The following PRKCA variants were observed in gnomAD, a reference collection of about 807,000 sequenced individuals.
PRKCA encodes the protein protein kinase C alpha.
PRKCA carries 27 observed loss-of-function variants against 87.0 expected under a neutral mutation model. That is an observed-to-expected ratio of 0.31 (90% CI 0.23 to 0.43). The LOEUF is 0.43. Among genes scored for constraint, PRKCA ranks in the 20% least tolerant of loss-of-function variants. The pLI is 1.00. For synonymous variants in PRKCA, 329 were observed against 311.1 expected, an observed-to-expected ratio of 1.06 and a Z score of -0.61; for missense variants, 518 against 852.3, an observed-to-expected ratio of 0.61 and a Z score of 4.88.
chr17:66,777,596 G>A, intron 14 of PRKCA: 1 of 985,090 alleles, frequency 1.0e-6, no homozygotes, highest in Non-Finnish European at 1.2e-6. Context: ...GTAAAATTCG[G>A]CTCTGAATTA....
rs1392314476 is a variant in PRKCA, at chr17:66,738,841, G to A, written c.1308G>A (p.Lys436=). 1 of 1,612,558 alleles carries A rather than the reference G, an allele frequency of 6.2e-7. No individual in the cohort carries two copies. ...ACATTCAGCAAGTAGGAAAATTTAA[G>A]GAACCACAAGCAGTGTGAGTATTAT... ...MYHIQQVGKF[K]EPQAVFYAAE... The change falls in exon 11 of 17, where the codon AAG becomes AAA. Residue 436 remains lysine (K), a synonymous_variant. Coordinates refer to ENST00000413366, the MANE Select transcript of PRKCA (RefSeq NM_002737.3).
intron 3 of PRKCA, among the ~76,000 whole-genome samples, chr17:66,579,902 CCTT>C (rs910494888): frequency 4.6e-5 from 7 of 152,106 alleles, no homozygotes; most frequent in African/African-American, 7.2e-5. Flanking sequence ...GGACTTCCCT[CCTT>C]CTTTCACTTG....
chr17:66,417,596 C>T (rs1912230679), intron 2 of PRKCA, among the ~76,000 whole-genome samples: 1 of 152,132 alleles, frequency 6.6e-6, no homozygotes, highest in Non-Finnish European at 1.5e-5. Context: ...AGAGCTCCTG[C>T]TGTCTCTTTT....
chr17:66,696,343 A>G (rs1972921832), intron 8 of PRKCA: 1 of 152,210 alleles, frequency 6.6e-6, no homozygotes, highest in South Asian at 2.1e-4. Flanking sequence ...CCATAGTTTC[A>G]TATCCCTGCT....
intron 2 of PRKCA, among the ~76,000 whole-genome samples, chr17:66,379,418 A>G (rs1052200188): frequency 1.3e-5 from 2 of 152,132 alleles, no homozygotes; most frequent in African/African-American, 4.8e-5. Flanking sequence ...ATGTTTCTTC[A>G]TATTCTTTGC....
intron 2 of PRKCA, among the ~76,000 whole-genome samples, chr17:66,437,849 G>A (rs1463181896): frequency 1.3e-5 from 2 of 151,306 alleles, no homozygotes; most frequent in African/African-American, 4.9e-5. Context: ...CTCTGTTTCT[G>A]CTTAGTTTTC....
At chr17:66,639,535 A>G (rs1451478663) in intron 3 of PRKCA, among the ~76,000 whole-genome samples, 1 of 151,996 alleles carries the variant, frequency 6.6e-6, no homozygotes, top group Non-Finnish European at 1.5e-5. Context: ...TTACAGGCAC[A>G]CGCCACCATG....
At chr17:66,391,242 G>A (rs887550977) in intron 2 of PRKCA, among the ~76,000 whole-genome samples, 1 of 152,140 alleles carries the variant, frequency 6.6e-6, no homozygotes, top group Non-Finnish European at 1.5e-5. Flanking sequence ...AGATTCAGCC[G>A]GGTGCTTCAA....
At chr17:66,753,276 C>A (rs1173223505) in intron 13 of PRKCA, among the ~76,000 whole-genome samples, 1 of 152,226 alleles carries the variant, frequency 6.6e-6, no homozygotes, top group Admixed American at 6.5e-5. Context: ...AGACAACAAC[C>A]TGGGTACTCA....
At chr17:66,720,585 G>C (rs1168437094) in intron 8 of PRKCA, among the ~76,000 whole-genome samples, 1 of 152,194 alleles carries the variant, frequency 6.6e-6, no homozygotes, top group Non-Finnish European at 1.5e-5. Flanking sequence ...TTACCTTAGA[G>C]GTATGATGCT....
chr17:66,545,242 C>A (rs374105170), intron 3 of PRKCA, among the ~76,000 whole-genome samples: 10 of 152,212 alleles, frequency 6.6e-5, no homozygotes, highest in African/African-American at 2.4e-4. Flanking sequence ...TCCTGGCTAA[C>A]ACGGTGAAAC....
intron 3 of PRKCA, among the ~76,000 whole-genome samples, chr17:66,547,823 G>A (rs1413181784): frequency 6.6e-6 from 1 of 152,162 alleles, no homozygotes; most frequent in East Asian, 1.9e-4. Context: ...TTATTTGCAA[G>A]CAAAGAAACC....
chr17:66,778,233 G>T, intron 14 of PRKCA: 2 of 983,656 alleles, frequency 2.0e-6, no homozygotes, highest in Non-Finnish European at 2.4e-6. Context: ...AACGGTGATG[G>T]CTGGGCCCGG....
chr17:66,794,614 G>A (rs1598950077), intron 16 of PRKCA, among the ~76,000 whole-genome samples: 1 of 149,626 alleles, frequency 6.7e-6, no homozygotes, highest in African/African-American at 2.4e-5. Context: ...TTTTTTGGGG[G>A]GGGTTTTTTG....
chr17:66,526,820 G>C (rs1567876819), intron 3 of PRKCA, among the ~76,000 whole-genome samples: 1 of 152,206 alleles, frequency 6.6e-6, no homozygotes, highest in Non-Finnish European at 1.5e-5. Flanking sequence ...CCTAAGAAGA[G>C]CCAAGACTTG....
At chr17:66,503,137 G>A (rs1916819402) in intron 3 of PRKCA, among the ~76,000 whole-genome samples, 1 of 152,130 alleles carries the variant, frequency 6.6e-6, no homozygotes, top group Non-Finnish European at 1.5e-5. Context: ...GTGGGAGAGG[G>A]ATTTGTTAAA....
chr17:66,570,267 G>A (rs780717614), intron 3 of PRKCA, among the ~76,000 whole-genome samples: 3 of 152,172 alleles, frequency 2.0e-5, no homozygotes, highest in Non-Finnish European at 4.4e-5. Flanking sequence ...TGGGGCTCTC[G>A]TTCCATTCTG....
intron 14 of PRKCA, chr17:66,778,317 T>C (rs1761240008): frequency 1.4e-6 from 1 of 705,818 alleles, no homozygotes; most frequent in Admixed American, 6.3e-5. Flanking sequence ...ATTGAGACCA[T>C]CCTGGCTAAC....
intron 8 of PRKCA, among the ~76,000 whole-genome samples, chr17:66,727,858 C>T (rs771767168): frequency 6.6e-6 from 1 of 152,130 alleles, no homozygotes; most frequent in South Asian, 2.1e-4. Context: ...CTTGCCCTGG[C>T]GCCCTGCCCA....
Sources: gnomAD v4.1 joint callset for allele counts (sites outside exome capture counted in the v4.1 genomes callset) on GRCh38, gnomAD v4.1.1 for gene constraint, MANE v1.5 for transcripts, NCBI Gene and HGNC (gene_info 2026-07-23, HGNC 2026-07-21) for gene names.